Variants in SCO1 observed in about 807,000 individuals in gnomAD.
The protein encoded by SCO1 is synthesis of cytochrome C oxidase 1, also known as cytochrome c oxidase assembly factor SCO1.
SCO1 carries 23 observed loss-of-function variants against 34.0 expected under a neutral mutation model. That is an observed-to-expected ratio of 0.68 (90% CI 0.49 to 0.96). SCO1 has a LOEUF of 0.96. Ranked by LOEUF, SCO1 falls within the 40% of genes least tolerant of loss-of-function variation. SCO1 has a pLI of 0.00. For synonymous variants in SCO1, 161 were observed against 145.5 expected (o/e 1.11, Z -0.77); for missense variants, 404 against 381.6 (o/e 1.06, Z -0.49).
chr17:10,682,373 G>A (rs896953251), intron 5 of SCO1, among the ~76,000 whole-genome samples: 2 of 152,140 alleles, frequency 1.3e-5, no homozygotes, highest in African/African-American at 2.4e-5. Flanking sequence ...CCAAAAGAGC[G>A]CCAACAACTG....
At position 10,696,071 on chromosome 17, in the gene SCO1, T is replaced by TAAAAAA. The variant is rs869243005; in HGVS notation, c.274-246_274-241dup. Among the ~76,000 whole-genome samples, 235 of 73,014 alleles carry TAAAAAA rather than the reference T, an allele frequency of 3.2e-3. 33 individuals carry two copies. Among genetic ancestry groups the TAAAAAA allele is most frequent in the Middle Eastern group, 0.011 (1 of 90 alleles). 47.9% of individuals were successfully genotyped at this position (73,014 alleles called of 152,430 possible). A position where few individuals can be genotyped will look rare whatever the true frequency, so the allele number is the denominator to read the frequency against. On this transcript the variant is annotated intron_variant, in intron 1 of 5. Coordinates refer to ENST00000255390, the MANE Select transcript of SCO1 (RefSeq NM_004589.4). ...CCTAAGTCAGTTCTCTTCATGTAAA[T>TAAAAAA]AAAAAAAAAAAAAAAAAAAAAAAAA... is the stretch of plus-strand genomic sequence containing the variant.
intron 5 of SCO1, among the ~76,000 whole-genome samples, chr17:10,684,207 A>G (rs2074639745): frequency 6.6e-6 from 1 of 152,196 alleles, no homozygotes; most frequent in Non-Finnish European, 1.5e-5. Context: ...TTTTGTTTTC[A>G]TTTGTAATTA....
At chr17:10,692,989 CA>C (rs752611150) in intron 2 of SCO1, 28 bp from the exon 3 acceptor site, 942 of 1,562,670 alleles carry the variant, frequency 6.0e-4, no homozygotes, top group Middle Eastern at 8.5e-4. Flanking sequence ...ATATCGACAC[CA>C]AAAAAAAAGT....
rs9904211 is a variant in SCO1 at position 10,675,475 on chromosome 17, T to C, written c.*5644A>G. On this transcript the variant is annotated 3_prime_UTR_variant, in exon 6 of 6. Coordinates refer to ENST00000255390, the MANE Select transcript of SCO1 (RefSeq NM_004589.4). ...CCCCTCTACTTTTCTTTTGGAGTTATAGGGTGCAAACAGTAAAAGGCATAA... is the reference window on the plus strand; with the variant it reads ...CCCCTCTACTTTTCTTTTGGAGTTACAGGGTGCAAACAGTAAAAGGCATAA... 70,169 of 152,002 alleles carry C rather than the reference T, an allele frequency of 0.46. 16,445 individuals are homozygous for C. The highest frequency in any genetic ancestry group is 0.54 in the East Asian group (2,784 of 5,144). 9.4% of individuals were successfully genotyped at this position (152,002 alleles called of 1,614,324 possible).
rs1402291343 is a variant in SCO1 at position 10,673,809 on chromosome 17, G to A, written c.*7310C>T. ...GATCATATTATAACAACTCGATGGA[G>A]AAACGCTTGGTATACTGTGCTGAAT... On this transcript the variant is annotated 3_prime_UTR_variant, in exon 6 of 6. Coordinates refer to ENST00000255390, the MANE Select transcript of SCO1 (RefSeq NM_004589.4). 6.6e-6 allele frequency: 1 copy of A among 152,216 alleles called. No homozygotes were observed. The highest frequency in any genetic ancestry group is 1.5e-5 in the Non-Finnish European group (1 of 68,044). The allele number at this position is 152,216 out of a possible 1,614,324, so 9.4% of individuals were successfully genotyped here.
At chr17:10,683,809 G>A (rs555023728) in intron 5 of SCO1, 3 of 151,886 alleles carry the variant, frequency 2.0e-5, no homozygotes, top group East Asian at 1.9e-4. Flanking sequence ...TACCCAGTTC[G>A]ATCACTCTGA....
intron 1 of SCO1, 58 bp downstream of exon 1, chr17:10,697,175 GGC>G (rs1215584831): frequency 1.4e-6 from 2 of 1,441,342 alleles, no homozygotes; most frequent in Admixed American, 2.7e-5. Context: ...AGTGGGATGT[GGC>G]CGCTGGGCTG....
In SCO1 at chr17:10,691,914, G is replaced by C; in HGVS notation, c.613C>G (p.Pro205Ala). 1 of 1,613,470 alleles carries C rather than the reference G, an allele frequency of 6.2e-7. No individual in the cohort carries two copies. The highest frequency in any genetic ancestry group is 8.5e-7 in the Non-Finnish European group (1 of 1,179,470). Reference sequence around the variant, plus strand: ...ATGGCTTCTTTTGTGTCCCTCTCTGGGTCAATGCTGATGAAAAGTGGAGTT... The same window carrying C: ...ATGGCTTCTTTTGTGTCCCTCTCTGCGTCAATGCTGATGAAAAGTGGAGTT... ...DLTPLFISID[P>A]ERDTKEAIAN... Residue 205 changes from proline to alanine, a missense_variant, in exon 4 of 6, where the codon CCA becomes GCA. Coordinates refer to ENST00000255390, the MANE Select transcript of SCO1 (RefSeq NM_004589.4).
At chr17:10,687,415 G>A (rs2662948) in intron 4 of SCO1, among the ~76,000 whole-genome samples, 5,922 of 152,242 alleles carry the variant, frequency 0.039, 372 homozygotes, top group African/African-American at 0.13. Context: ...GCGTGTATCT[G>A]CTATTAAGTT....
At position 10,674,381 on chromosome 17, in the gene SCO1, G is replaced by A. The variant is rs138341734; in HGVS notation, c.*6738C>T. On this transcript the variant is annotated 3_prime_UTR_variant, in exon 6 of 6. Coordinates refer to ENST00000255390, the MANE Select transcript of SCO1 (RefSeq NM_004589.4). ...GTGGAGGTTGCAGTGAGCCAAGATC[G>A]CACCACTGCTCTCCAGCCTAGGCAA... 3.8e-3 allele frequency: 868 copies of A among 225,772 alleles called. 4 individuals are homozygous for A. The highest frequency in any genetic ancestry group is 6.0e-3 in the Non-Finnish European group (678 of 113,270). The allele number at this position is 225,772 out of a possible 1,614,324, so 14.0% of individuals were successfully genotyped here.
At chr17:10,694,905 A>G (rs1311070756) in intron 2 of SCO1, among the ~76,000 whole-genome samples, 1 of 152,186 alleles carries the variant, frequency 6.6e-6, no homozygotes, top group East Asian at 1.9e-4. Flanking sequence ...CCTAAAGCCT[A>G]TGAATTCCCA....
intron 4 of SCO1, among the ~76,000 whole-genome samples, chr17:10,687,881 T>C (rs771465594): frequency 1.3e-5 from 2 of 152,204 alleles, no homozygotes; most frequent in Admixed American, 6.5e-5. Context: ...TGGTTAGTAA[T>C]ATGTGATTTT....
intron 5 of SCO1, among the ~76,000 whole-genome samples, chr17:10,681,645 T>C (rs1047534558): frequency 1.3e-5 from 2 of 152,194 alleles, no homozygotes; most frequent in African/African-American, 4.8e-5. Context: ...TTGAGTAAGA[T>C]ATCTCCTCAG....
chr17:10,689,007 T>C (rs2074674019), intron 4 of SCO1, among the ~76,000 whole-genome samples: 1 of 146,146 alleles, frequency 6.8e-6, no homozygotes, highest in Admixed American at 6.8e-5. Flanking sequence ...TCCCAGCTAC[T>C]TGGGAGGCTG....
chr17:10,684,888 C>T (rs762027612), intron 5 of SCO1, among the ~76,000 whole-genome samples: 1 of 152,230 alleles, frequency 6.6e-6, no homozygotes, highest in Non-Finnish European at 1.5e-5. Context: ...AAGAGGAAAA[C>T]AGAGGAGGGT....
At chr17:10,681,606 G>C (rs746186303) in intron 5 of SCO1, among the ~76,000 whole-genome samples, 7 of 152,198 alleles carry the variant, frequency 4.6e-5, no homozygotes, top group Admixed American at 1.3e-4. Context: ...TTGTGGAATA[G>C]CAATGCTTGT....
chr17:10,692,423 A>G (rs913372522), intron 3 of SCO1, among the ~76,000 whole-genome samples: 2 of 152,220 alleles, frequency 1.3e-5, no homozygotes. Flanking sequence ...AAAATGCCAC[A>G]GACTGCAGAC....
In SCO1 at chr17:10,685,584, A is replaced by G. The variant is rs1310215813; in HGVS notation, c.771+1143T>C. On this transcript the variant is annotated intron_variant, in intron 5 of 5. Coordinates refer to ENST00000255390, the MANE Select transcript of SCO1 (RefSeq NM_004589.4). The stretch of plus-strand genomic sequence containing the variant: ...ACAGAATTTCTGTTCCTTATCATTA[A>G]AAAGCACATATTTAACGCCTAACTG... Among the ~76,000 whole-genome samples, 4 of 152,338 alleles carry G rather than the reference A, an allele frequency of 2.6e-5. No homozygotes were observed. The Middle Eastern group carries it at 0.01, about 389-fold the overall frequency.
At chr17:10,684,751 G>C (rs912125144) in intron 5 of SCO1, among the ~76,000 whole-genome samples, 1 of 152,094 alleles carries the variant, frequency 6.6e-6, no homozygotes, top group South Asian at 2.1e-4. Context: ...TGTCATCATC[G>C]GATAAACTCA....
Sources: gnomAD v4.1 joint callset for allele counts (sites outside exome capture counted in the v4.1 genomes callset) on GRCh38, gnomAD v4.1.1 for gene constraint, MANE v1.5 for transcripts, NCBI Gene and HGNC (gene_info 2026-07-23, HGNC 2026-07-21) for gene names.